VWA3B: variants seen among roughly 807,000 people sequenced by gnomAD.
VWA3B encodes von Willebrand factor A domain containing 3B.
A neutral mutation model predicts 158.3 loss-of-function variants in VWA3B; 138 were observed. That is an observed-to-expected ratio of 0.87 (90% CI 0.76 to 1.00). The LOEUF is 1.00. VWA3B is among the 50% of genes least tolerant of loss of function. VWA3B has a pLI of 0.00. For synonymous variants in VWA3B, 596 were observed against 587.3 expected (o/e 1.01, Z -0.21); for missense variants, 1,555 against 1,565.1 (o/e 0.99, Z 0.11).
chr2:98,287,513 G>A (rs1032949446), intron 22 of VWA3B, among the ~76,000 whole-genome samples: 1 of 152,084 alleles, frequency 6.6e-6, no homozygotes, highest in African/African-American at 2.4e-5. Flanking sequence ...AGGCTACAGG[G>A]GATTTTGAAG....
At chr2:98,180,258 A>C (rs1302659469) in intron 8 of VWA3B, among the ~76,000 whole-genome samples, 1 of 150,690 alleles carries the variant, frequency 6.6e-6, no homozygotes, top group Non-Finnish European at 1.5e-5. Flanking sequence ...GCAGTGGTGC[A>C]TTCTCGGCTC....
intron 2 of VWA3B, among the ~76,000 whole-genome samples, chr2:98,112,648 C>T (rs182648939): frequency 6.6e-6 from 1 of 151,858 alleles, no homozygotes; most frequent in African/African-American, 2.4e-5. Flanking sequence ...ATACATTGCA[C>T]TGGATTTATC....
At chr2:98,327,306 C>T in the VWA3B span, among the ~76,000 whole-genome samples, 2 of 151,488 alleles carry the variant, frequency 1.3e-5, no homozygotes, top group Non-Finnish European at 2.9e-5. Flanking sequence ...AACAAACAAA[C>T]AAAAGATATA....
intron 22 of VWA3B, among the ~76,000 whole-genome samples, chr2:98,279,077 G>GGCAGTGAGAGGAT (rs1688715019): frequency 6.6e-6 from 1 of 151,906 alleles, no homozygotes; most frequent in African/African-American, 2.4e-5. Context: ...AAATCCCAGA[G>GGCAGTGAGAGGAT]GCAGTGAGAG....
intron 5 of VWA3B, among the ~76,000 whole-genome samples, chr2:98,127,435 C>T (rs762553300): frequency 2.0e-5 from 3 of 151,976 alleles, no homozygotes; most frequent in Non-Finnish European, 4.4e-5. Context: ...CGAGGGTGGC[C>T]GGGCTGCAGC....
chr2:98,192,866 C>T, intron 10 of VWA3B, 32 bp from the exon 11 acceptor site: 1 of 1,614,086 alleles, frequency 6.2e-7, no homozygotes. Context: ...TGCAGGCTCT[C>T]ACCATTCACT....
At chr2:98,320,100 G>A in the VWA3B span, among the ~76,000 whole-genome samples, 1 of 152,132 alleles carries the variant, frequency 6.6e-6, no homozygotes, top group East Asian at 1.9e-4. Flanking sequence ...CCAAGTGGGA[G>A]GTAATTGAAT....
At position 98,270,665 on chromosome 2, in the gene VWA3B, G is replaced by T. The variant is rs1463476130; in HGVS notation, c.2844-17G>T. ...TGTTTCTTCCTCTGTTTGTTTGTTT[G>T]TTTCTTTGTTTTTTAGGTTAGATGC... On this transcript the variant is annotated splice_polypyrimidine_tract_variant and intron_variant, in intron 21 of 27. Coordinates refer to ENST00000477737, the MANE Select transcript of VWA3B (RefSeq NM_144992.5). The T allele has an allele frequency of 5.0e-6, 8 of 1,601,644 alleles. No individual in the cohort carries two copies. The highest frequency in any genetic ancestry group is 2.3e-5 in the South Asian group (2 of 88,836).
chr2:98,284,265 C>T (rs1285098388), intron 22 of VWA3B, among the ~76,000 whole-genome samples: 1 of 152,214 alleles, frequency 6.6e-6, no homozygotes, highest in African/African-American at 2.4e-5. Flanking sequence ...CTTCTGAGGA[C>T]GTGGCTCTTA....
chr2:98,250,375 C>A lies in VWA3B; in HGVS notation c.2731C>A (p.Gln911Lys). 6.2e-7 allele frequency: 1 copy of A among 1,613,630 alleles called. No homozygotes were observed. Residue 911 changes from glutamine to lysine, a missense_variant, in exon 20 of 28, where the codon CAA (glutamine) becomes AAA (lysine). Gln to Lys is a moderately conservative substitution (Grantham distance 53). Coordinates refer to ENST00000477737, the MANE Select transcript of VWA3B (RefSeq NM_144992.5). Reference sequence around the variant, plus strand: ...AAATAAGATGACATTAATTAACCCCCAAGGAGCCAAACTCAATATCTACAA... The same window carrying A: ...AAATAAGATGACATTAATTAACCCCAAAGGAGCCAAACTCAATATCTACAA... Reference protein sequence around the residue: ...DTNKMTLINPQGAKLNIYKRK... With the variant: ...DTNKMTLINPKGAKLNIYKRK...
rs145904250 is a variant in VWA3B at position 98,288,744 on chromosome 2, C to T, written c.3046-1767C>T. 6.2e-3 allele frequency among the ~76,000 whole-genome samples: 938 copies of T among 152,244 alleles called. 5 individuals are homozygous for T. The highest frequency in any genetic ancestry group is 0.021 in the African/African-American group (880 of 41,552). ...TCCCAATCCTAATATTGGATATTTA[C>T]GTTATCTTTTATTCTGTTGGCTGCA... On this transcript the variant is annotated intron_variant, in intron 22 of 27. Transcript: ENST00000477737.
chr2:98,092,860 A>ATATT (rs1553633936), intron 1 of VWA3B, among the ~76,000 whole-genome samples: 1 of 118,518 alleles, frequency 8.4e-6, no homozygotes, highest in Non-Finnish European at 1.8e-5. Context: ...ATATATATAT[A>ATATT]GTTGAATATT....
chr2:98,149,460 G>A (rs1677438694), intron 7 of VWA3B, among the ~76,000 whole-genome samples: 2 of 152,164 alleles, frequency 1.3e-5, no homozygotes, highest in Admixed American at 1.3e-4. Context: ...CTCATTGGCC[G>A]CTTGATGTAC....
chr2:98,164,241 G>A (rs889527433), intron 8 of VWA3B, among the ~76,000 whole-genome samples: 2 of 152,186 alleles, frequency 1.3e-5, no homozygotes, highest in African/African-American at 4.8e-5. Context: ...TACTTGGAAG[G>A]AGTAGTGTGA....
intron 2 of VWA3B, among the ~76,000 whole-genome samples, chr2:98,106,307 C>T (rs529735591): frequency 1.3e-5 from 2 of 151,886 alleles, no homozygotes; most frequent in African/African-American, 2.4e-5. Context: ...GAAATTGGGC[C>T]GGGTGAGTCC....
Position 98,298,005 on chromosome 2 carries a change from G to A in VWA3B, c.3256G>A (p.Gly1086Ser), listed in dbSNP as rs765162008. ...VSTSFITPVG[G>S]AMPCPLLQVG... is the part of the protein sequence containing the mutation. ...CACCTCCTTCATCACGCCTGTGGGG[G>A]GCGCCATGCCCTGCCCGCTGCTCCA... The change falls in exon 24 of 28, where the codon GGC becomes AGC. Residue 1086 changes from glycine (G) to serine (S), a missense_variant. By Grantham distance (56) the Gly-to-Ser change is moderately conservative. Coordinates refer to ENST00000477737, the MANE Select transcript of VWA3B (RefSeq NM_144992.5). 6.3e-7 allele frequency: 1 copy of A among 1,579,998 alleles called. No homozygotes were observed. The highest frequency in any genetic ancestry group is 1.2e-5 in the South Asian group (1 of 86,170).
At chr2:98,161,797 C>T (rs1430261005) in intron 7 of VWA3B, among the ~76,000 whole-genome samples, 1 of 152,130 alleles carries the variant, frequency 6.6e-6, no homozygotes, top group African/African-American at 2.4e-5. Context: ...GCCTCCGCCT[C>T]CCCAGTTCAA....
Position 98,247,244 on chromosome 2 carries a change from C to T in VWA3B, c.2674-3074C>T, listed in dbSNP as rs181016319. Among the ~76,000 whole-genome samples the T allele has an allele frequency of 7.4e-4, 113 of 152,068 alleles. 3 individuals are homozygous for T. In the East Asian group the frequency reaches 0.02, roughly 27 times the overall value. ...ATCTCCTGACCTCAAGTGATCCACCCGCCTCAGCCTCCCAAAGTGCTGGGA... is the reference window on the plus strand; with the variant it reads ...ATCTCCTGACCTCAAGTGATCCACCTGCCTCAGCCTCCCAAAGTGCTGGGA... On this transcript the variant is annotated intron_variant, in intron 19 of 27. Coordinates refer to ENST00000477737, the MANE Select transcript of VWA3B (RefSeq NM_144992.5).
intron 24 of VWA3B, among the ~76,000 whole-genome samples, chr2:98,299,109 C>T (rs1050740598): frequency 6.6e-6 from 1 of 152,156 alleles, no homozygotes; most frequent in Non-Finnish European, 1.5e-5. Context: ...CCTTAGGTTC[C>T]CTGCCTCAGA....
Sources: allele counts gnomAD v4.1 joint callset (sites outside exome capture counted in the v4.1 genomes callset), GRCh38; gene constraint gnomAD v4.1.1; transcripts MANE v1.5; gene names NCBI Gene and HGNC (gene_info 2026-07-23, HGNC 2026-07-21).